GAB1: variants seen among roughly 807,000 people sequenced by gnomAD.
The protein encoded by GAB1 is GRB2-associated-binding protein 1.
In GAB1, 19 loss-of-function variants were observed where a neutral mutation model predicts 66.5. That is an observed-to-expected ratio of 0.29 (90% CI 0.20 to 0.42). GAB1 has a LOEUF of 0.42. GAB1 is among the 10% of genes least tolerant of loss of function. GAB1 has a pLI of 1.00. For synonymous variants in GAB1, 294 were observed against 301.4 expected, an observed-to-expected ratio of 0.98 and a Z score of 0.25; for missense variants, 732 against 858.5, an observed-to-expected ratio of 0.85 and a Z score of 1.84.
intron 1 of GAB1, among the ~76,000 whole-genome samples, chr4:143,373,685 C>T (rs187175837): frequency 2.0e-5 from 3 of 151,632 alleles, no homozygotes; most frequent in Admixed American, 1.3e-4. Context: ...AAAAATTAGC[C>T]GGCCATGGTG....
intron 8 of GAB1, among the ~76,000 whole-genome samples, chr4:143,465,688 C>G (rs11933502): frequency 0.42 from 63,426 of 151,998 alleles, 15,179 homozygotes; most frequent in African/African-American, 0.66. Flanking sequence ...AAACAAAATA[C>G]ACTTAGCCAA....
intron 1 of GAB1, chr4:143,349,859 C>A (rs562254474): frequency 1.3e-6 from 2 of 1,581,812 alleles, no homozygotes; most frequent in Non-Finnish European, 1.7e-6. Context: ...TTGAGAGAGG[C>A]CCCCAGGAAA....
chr4:143,336,884 G>T lies in GAB1; in HGVS notation c.-305G>T, dbSNP rs1221732623. 4 of 413,690 alleles carry T rather than the reference G, an allele frequency of 9.7e-6. No homozygotes were observed. The highest frequency in any genetic ancestry group is 6.5e-5 in the South Asian group (2 of 30,900). The allele number at this position is 413,690 out of a possible 1,614,324, so 25.6% of individuals were successfully genotyped here. Reference sequence around the variant, plus strand: ...CGGCACCGAGTCGGGGCAGAGTCCCGCTGAGTCCGAGCGCTGCTGAGGCAG... The same window carrying T: ...CGGCACCGAGTCGGGGCAGAGTCCCTCTGAGTCCGAGCGCTGCTGAGGCAG... On this transcript the variant is annotated 5_prime_UTR_variant, in exon 1 of 10. Transcript: ENST00000262994.
chr4:143,424,365 C>T (rs1055603251), intron 2 of GAB1, among the ~76,000 whole-genome samples: 1 of 152,086 alleles, frequency 6.6e-6, no homozygotes, highest in Non-Finnish European at 1.5e-5. Context: ...CTTTTTTCCT[C>T]AATACTGTAT....
At chr4:143,429,314 G>C (rs1273103319) in intron 2 of GAB1, among the ~76,000 whole-genome samples, 2 of 152,132 alleles carry the variant, frequency 1.3e-5, no homozygotes, top group African/African-American at 4.8e-5. Context: ...ATGTTGGCCA[G>C]GTTGGTCTTG....
intron 6 of GAB1, among the ~76,000 whole-genome samples, chr4:143,441,051 T>A (rs529012344): frequency 6.6e-6 from 1 of 152,364 alleles, no homozygotes; most frequent in South Asian, 2.1e-4. Context: ...AAAATTACTT[T>A]GCCTTTGCTG....
chr4:143,402,450 G>C (rs1040479934), intron 1 of GAB1, among the ~76,000 whole-genome samples: 1 of 152,118 alleles, frequency 6.6e-6, no homozygotes, highest in African/African-American at 2.4e-5. Flanking sequence ...TGTTCCACTT[G>C]ACTTCTGGTC....
At chr4:143,341,952 T>C (rs1387855079) in intron 1 of GAB1, among the ~76,000 whole-genome samples, 3 of 152,246 alleles carry the variant, frequency 2.0e-5, no homozygotes, top group Admixed American at 2.0e-4. Context: ...ATTCTGATGT[T>C]TCTGCTTACA....
intron 1 of GAB1, among the ~76,000 whole-genome samples, chr4:143,364,224 T>C (rs1397635146): frequency 1.3e-5 from 2 of 151,988 alleles, no homozygotes; most frequent in East Asian, 3.9e-4. Flanking sequence ...TTAGATTCAT[T>C]CTCTCTGTCT....
In GAB1 at chr4:143,474,156, A is replaced by C. The variant is rs1199981749; in HGVS notation, c.*4967A>C. On this transcript the variant is annotated 3_prime_UTR_variant, in exon 10 of 10. Transcript: ENST00000262994. Reference sequence around the variant, plus strand: ...CCCTTAGATTTCCTGATTTAAAATTATACAAAATTACTATTTTTGATAAAA... The same window carrying C: ...CCCTTAGATTTCCTGATTTAAAATTCTACAAAATTACTATTTTTGATAAAA... The C allele has an allele frequency of 6.6e-6, 1 of 152,188 alleles. No individual in the cohort carries two copies. Among genetic ancestry groups the C allele is most frequent in the Non-Finnish European group, 1.5e-5 (1 of 68,036 alleles). The allele number at this position is 152,188 out of a possible 1,614,324, so 9.4% of individuals were successfully genotyped here.
At chr4:143,467,652 T>C (rs1012362872) in intron 9 of GAB1, among the ~76,000 whole-genome samples, 2 of 152,192 alleles carry the variant, frequency 1.3e-5, no homozygotes, top group African/African-American at 4.8e-5. Flanking sequence ...TTGTTGAACA[T>C]ATCTTCTGAG....
chr4:143,432,404 G>A (rs557883072), intron 2 of GAB1, among the ~76,000 whole-genome samples: 3 of 152,134 alleles, frequency 2.0e-5, no homozygotes, highest in South Asian at 2.1e-4. Context: ...GTTTTGTCAC[G>A]TGACCAGGAA....
chr4:143,362,820 A>G (rs1729718826), intron 1 of GAB1, among the ~76,000 whole-genome samples: 1 of 152,138 alleles, frequency 6.6e-6, no homozygotes, highest in East Asian at 1.9e-4. Flanking sequence ...TCCTGTGACT[A>G]AGAATGCCTA....
Position 143,336,975 on chromosome 4 carries a change from C to G in GAB1, c.-214C>G. On this transcript the variant is annotated 5_prime_UTR_variant, in exon 1 of 10. Transcript: ENST00000262994. The stretch of plus-strand genomic sequence containing the variant: ...AAAGGAGGCCGGCGCGCCCGCGGCC[C>G]CGGCTCGCGTTCTGTTCAGGTTCGT... 1 of 486,546 alleles carries G rather than the reference C, an allele frequency of 2.1e-6. No homozygotes were observed. Among genetic ancestry groups the G allele is most frequent in the Middle Eastern group, 5.4e-4 (1 of 1,836 alleles). The allele number at this position is 486,546 out of a possible 1,614,324, so 30.1% of individuals were successfully genotyped here.
intron 9 of GAB1, among the ~76,000 whole-genome samples, chr4:143,467,989 G>A (rs975273064): frequency 2.0e-5 from 3 of 152,108 alleles, no homozygotes; most frequent in Non-Finnish European, 4.4e-5. Flanking sequence ...GGAATGAAAA[G>A]GCATCAGCTT....
Position 143,418,012 on chromosome 4 carries a change from G to A in GAB1, c.367+2241G>A, listed in dbSNP as rs1732788667. On this transcript the variant is annotated intron_variant, in intron 2 of 9. Coordinates refer to ENST00000262994, the MANE Select transcript of GAB1 (RefSeq NM_002039.4). ...AGCTAATCATCTCTAATGAGCTCAG[G>A]CCAGCGTGCCGCTTCCTCTCTGGCC... 2.6e-5 allele frequency among the ~76,000 whole-genome samples: 4 copies of A among 152,298 alleles called. 1 individual carries two copies. The highest frequency in any genetic ancestry group is 6.5e-5 in the Admixed American group (1 of 15,308).
At chr4:143,383,377 A>G (rs1262202872) in intron 1 of GAB1, among the ~76,000 whole-genome samples, 1 of 152,210 alleles carries the variant, frequency 6.6e-6, no homozygotes, top group Non-Finnish European at 1.5e-5. Flanking sequence ...TTGTCCTCTT[A>G]TAGAACCCAA....
At chr4:143,431,449 A>G (rs751738740) in intron 2 of GAB1, among the ~76,000 whole-genome samples, 45 of 152,320 alleles carry the variant, frequency 3.0e-4, no homozygotes, top group East Asian at 1.9e-4. Flanking sequence ...AAATATACCT[A>G]TAATTTGGAT....
Position 143,349,933 on chromosome 4 carries a change from A to G in GAB1, c.72+12673A>G, listed in dbSNP as rs111251709. On this transcript the variant is annotated intron_variant, in intron 1 of 9. Transcript: ENST00000262994. Reference sequence around the variant, plus strand: ...GAGATAGATCTCCTCCAGGGACTTGATCTTCATGTCCTTGACCAAGCGGCC... The same window carrying G: ...GAGATAGATCTCCTCCAGGGACTTGGTCTTCATGTCCTTGACCAAGCGGCC... 9,850 of 1,594,856 alleles carry G rather than the reference A, an allele frequency of 6.2e-3. 481 individuals are homozygous for G. In the African/African-American group the frequency reaches 0.11, roughly 18 times the overall value.
Sources: gnomAD v4.1 joint callset for allele counts (sites outside exome capture counted in the v4.1 genomes callset) on GRCh38, gnomAD v4.1.1 for gene constraint, MANE v1.5 for transcripts, NCBI Gene and HGNC (gene_info 2026-07-23, HGNC 2026-07-21) for gene names.